The following HINFP variants were observed in gnomAD, a reference collection of about 807,000 sequenced individuals.
The protein encoded by HINFP is MBD2 (methyl-CpG-binding protein)-interacting zinc finger protein.
HINFP carries 20 observed loss-of-function variants against 50.1 expected under a neutral mutation model. The ratio of observed to expected loss-of-function variants is 0.40; its 90% CI spans 0.28 to 0.58. HINFP has a LOEUF of 0.58. HINFP is among the 20% of genes least tolerant of loss of function. The probability of loss-of-function intolerance (pLI) is 0.45; values close to 1 mark genes in which losing one functional copy is unlikely to be tolerated. For missense variants in HINFP, 505 were observed against 664.1 expected, an observed-to-expected ratio of 0.76 and a Z score of 2.63; for synonymous variants, 247 against 243.7, an observed-to-expected ratio of 1.01 and a Z score of -0.13.
Position 119,130,925 on chromosome 11 carries a change from C to G in HINFP, c.382C>G (p.His128Asp). 1 of 1,614,230 alleles carries G rather than the reference C, an allele frequency of 6.2e-7. No homozygotes were observed. ...SRNVIPDIPD[H>D]FLCLWEHCEN... is the part of the protein sequence containing the mutation. Reference sequence around the variant, plus strand: ...GAACGTCATCCCTGATATCCCTGACCACTTCCTGTGTCTGTGGGAGCACTG... The same window carrying G: ...GAACGTCATCCCTGATATCCCTGACGACTTCCTGTGTCTGTGGGAGCACTG... The change falls in exon 3 of 10, where the codon CAC (histidine) becomes GAC (aspartate). Residue 128 changes from histidine (H) to aspartate (D), a missense_variant. Physicochemically the swap from His to Asp is moderately conservative, Grantham distance 81 (BLOSUM62 -1). Coordinates refer to ENST00000350777, the MANE Select transcript of HINFP (RefSeq NM_198971.3).
chr11:119,122,472 A>G (rs1166585471), intron 1 of HINFP, among the ~76,000 whole-genome samples: 1 of 152,242 alleles, frequency 6.6e-6, no homozygotes. Context: ...CCATGGCAAC[A>G]TGAAAATAGG....
chr11:119,131,062 C>G lies in HINFP; in HGVS notation c.411+108C>G. 1.1e-6 allele frequency: 1 copy of G among 906,564 alleles called. No homozygotes were observed. 56.2% of individuals were successfully genotyped at this position (906,564 alleles called of 1,614,324 possible). A position where few individuals can be genotyped will look rare whatever the true frequency, so the allele number is the denominator to read the frequency against. ...ATATTTCCAAGATTCCTGCTAGTAT[C>G]TCTCTTCCATTTCTTTTGCTCTTTT... is the stretch of plus-strand genomic sequence containing the variant. On this transcript the variant is annotated intron_variant, in intron 3 of 9. Coordinates refer to ENST00000350777, the MANE Select transcript of HINFP (RefSeq NM_198971.3). The surrounding 1 kb of genome is among the most constrained non-coding windows in gnomAD (Gnocchi z 4.2).
At chr11:119,123,368 A>G (rs933491511) in intron 1 of HINFP, among the ~76,000 whole-genome samples, 16 of 152,208 alleles carry the variant, frequency 1.1e-4, no homozygotes, top group African/African-American at 3.6e-4. Context: ...TAGCTTCTCA[A>G]TAGATGTTCG....
In HINFP at chr11:119,134,212, G is replaced by T; in HGVS notation, c.1268G>T (p.Ser423Ile). Residue 423 changes from serine (S) to isoleucine (I), a missense_variant, in exon 10 of 10, where the codon AGC becomes ATC. Ser to Ile is a moderately radical substitution (Grantham distance 142). Coordinates refer to ENST00000350777, the MANE Select transcript of HINFP (RefSeq NM_198971.3). The surrounding 1 kb of genome is among the most constrained non-coding windows in gnomAD (Gnocchi z 4.3). ...CTGGGAACGTCGCTGAACGAGAGCA[G>T]CCTGCAGGGCATTATTCTAGAAACA... ...SGLGTSLNES[S>I]LQGIILETVP... is the part of the protein sequence containing the mutation. The T allele has an allele frequency of 6.2e-7, 1 of 1,614,238 alleles. No homozygotes were observed. The highest frequency in any genetic ancestry group is 8.5e-7 in the Non-Finnish European group (1 of 1,180,048).
intron 9 of HINFP, chr11:119,133,762 T>C: frequency 2.4e-6 from 1 of 422,392 alleles, no homozygotes; most frequent in East Asian, 3.8e-5. Flanking sequence ...CAGCTGGAAC[T>C]AGAGCTAGAG....
rs750552918 is a variant in HINFP, at chr11:119,127,078, A to C, written c.134A>C (p.His45Pro). 1.8e-5 allele frequency: 29 copies of C among 1,614,134 alleles called. No individual in the cohort carries two copies. In the East Asian group the frequency reaches 4.7e-4, roughly 26 times the overall value. ...HVTQHLQQHL[H>P]GSGEEEEEEE... is the part of the protein sequence containing the mutation. ...ACTCAGCACCTGCAGCAGCACCTGC[A>C]TGGCTCTGGGGAGGAGGAGGAAGAG... Residue 45 changes from histidine to proline, a missense_variant, in exon 2 of 10, where the codon CAT becomes CCT. Coordinates refer to ENST00000350777, the MANE Select transcript of HINFP (RefSeq NM_198971.3).
At position 119,132,908 on chromosome 11, in the gene HINFP, G is replaced by C. The variant is rs751148237; in HGVS notation, c.920G>C (p.Ser307Thr). The C allele has an allele frequency of 6.2e-7, 1 of 1,614,230 alleles. No individual in the cohort carries two copies. The highest frequency in any genetic ancestry group is 8.5e-7 in the Non-Finnish European group (1 of 1,180,050). Residue 307 changes from serine to threonine, a missense_variant, in exon 8 of 10, where the codon AGC becomes ACC. Ser to Thr is a moderately conservative substitution (Grantham distance 58). Transcript: ENST00000350777. Reference sequence around the variant, plus strand: ...CTCCAGAAGCACCTGGATACCCACAGCGAGGAGCCAGCCTACAGGTGTGAT... The same window carrying C: ...CTCCAGAAGCACCTGGATACCCACACCGAGGAGCCAGCCTACAGGTGTGAT... ...IDLQKHLDTH[S>T]EEPAYRCDFE...
chr11:119,130,532 T>G (rs1947692899), intron 2 of HINFP, 193 bp from the exon 3 acceptor site: 1 of 584,474 alleles, frequency 1.7e-6, no homozygotes, highest in South Asian at 2.0e-5. Flanking sequence ...TTTTTACTTG[T>G]TATAGTCCCT....
intron 6 of HINFP, 24 bp downstream of exon 6, chr11:119,132,597 C>G: frequency 6.2e-7 from 1 of 1,614,126 alleles, no homozygotes. Context: ...GGCCCACAGC[C>G]TCCCTCCTGC....
chr11:119,132,378 C>T, intron 5 of HINFP, 118 bp from the exon 6 acceptor site: 4 of 956,900 alleles, frequency 4.2e-6, no homozygotes, highest in South Asian at 1.5e-5. Flanking sequence ...TTCATAGCTC[C>T]CTAAGCTCTC....
Position 119,133,306 on chromosome 11 carries a change from C to T in HINFP, c.1139+87C>T, listed in dbSNP as rs61899962. On this transcript the variant is annotated intron_variant, in intron 9 of 9. Coordinates refer to ENST00000350777, the MANE Select transcript of HINFP (RefSeq NM_198971.3). The stretch of plus-strand genomic sequence containing the variant: ...TTTAAAAACCTTAATTTGGGTCGGG[C>T]GCGGTGGCTCACGCCTGTAATCCCA... 8.5e-3 allele frequency: 13,021 copies of T among 1,539,298 alleles called. 69 individuals carry two copies. Among genetic ancestry groups the T allele is most frequent in the Non-Finnish European group, 0.01 (11,433 of 1,129,724 alleles).
At chr11:119,129,096 A>G (rs1947595549) in intron 2 of HINFP, among the ~76,000 whole-genome samples, 1 of 151,954 alleles carries the variant, frequency 6.6e-6, no homozygotes, top group African/African-American at 2.4e-5. Flanking sequence ...GCTAGAGTGC[A>G]ATGGCATGAT....
At chr11:119,132,197 C>T in intron 5 of HINFP, 4 of 624,142 alleles carry the variant, frequency 6.4e-6, no homozygotes, top group South Asian at 6.0e-5. Flanking sequence ...TTAGGGAATC[C>T]TCACAACAGC....
In HINFP at chr11:119,126,983, G is replaced by C; in HGVS notation, c.39G>C (p.Leu13=). The part of the protein sequence containing the change: ...PPGKVPRKEN[L]WLQCEWGSCS... Reference sequence around the variant, plus strand: ...GGAAAGTTCCCCGAAAGGAGAATCTGTGGCTACAGTGTGAGTGGGGGTCCT... The same window carrying C: ...GGAAAGTTCCCCGAAAGGAGAATCTCTGGCTACAGTGTGAGTGGGGGTCCT... The change falls in exon 2 of 10, where the codon CTG becomes CTC. Residue 13 remains leucine (L), a synonymous_variant. Transcript: ENST00000350777. 6.2e-7 allele frequency: 1 copy of C among 1,613,920 alleles called. No homozygotes were observed. Among genetic ancestry groups the C allele is most frequent in the East Asian group, 2.2e-5 (1 of 44,840 alleles).
In HINFP at chr11:119,135,844, T is replaced by C. The variant is rs1948023403; in HGVS notation, c.*1346T>C. ...GAGATGGAGACCATCCTGGCCAACA[T>C]GGTGAAACCCCGTCTCTACTAAAAA... On this transcript the variant is annotated 3_prime_UTR_variant, in exon 10 of 10. Coordinates refer to ENST00000350777, the MANE Select transcript of HINFP (RefSeq NM_198971.3). 6.6e-6 allele frequency: 1 copy of C among 152,138 alleles called. No homozygotes were observed. Among genetic ancestry groups the C allele is most frequent in the Admixed American group, 6.6e-5 (1 of 15,266 alleles). 9.4% of individuals were successfully genotyped at this position (152,138 alleles called of 1,614,324 possible).
chr11:119,126,800 G>A (rs1947432225), intron 1 of HINFP, 135 bp from the exon 2 acceptor site: 1 of 698,074 alleles, frequency 1.4e-6, no homozygotes, highest in Admixed American at 3.0e-5. Context: ...CATCCTTACT[G>A]TAAAAGGGCA....
At chr11:119,129,479 A>ATTTTTTTTTTTTTTTTTTTTTTTTTTTTT in intron 2 of HINFP, among the ~76,000 whole-genome samples, 1 of 128,154 alleles carries the variant, frequency 7.8e-6, no homozygotes, top group Non-Finnish European at 1.6e-5. Flanking sequence ...GCAGGAATAC[A>ATTTTTTTTTTTTTTTTTTTTTTTTTTTTT]TTTTTCTTTT....
At chr11:119,129,338 C>A (rs1303520272) in intron 2 of HINFP, among the ~76,000 whole-genome samples, 1 of 151,758 alleles carries the variant, frequency 6.6e-6, no homozygotes, top group Non-Finnish European at 1.5e-5. Flanking sequence ...TGCGCCCGAC[C>A]AAAGCCACTT....
At chr11:119,127,792 T>C (rs901732442) in intron 2 of HINFP, among the ~76,000 whole-genome samples, 1 of 151,998 alleles carries the variant, frequency 6.6e-6, no homozygotes, top group Non-Finnish European at 1.5e-5. Flanking sequence ...CCTCCTACCT[T>C]AGCCTCCTAA....
Sources: gnomAD v4.1 joint callset for allele counts (sites outside exome capture counted in the v4.1 genomes callset) on GRCh38, gnomAD v4.1.1 for gene constraint, Gnocchi (gnomAD v3.1) non-coding constraint, MANE v1.5 for transcripts, NCBI Gene and HGNC (gene_info 2026-07-23, HGNC 2026-07-21) for gene names.